PRKAA2: variants seen among roughly 807,000 people sequenced by gnomAD.
PRKAA2 encodes the protein 5'-AMP-activated protein kinase catalytic subunit alpha-2.
Under a neutral mutation model 56.3 loss-of-function variants are expected in PRKAA2, and 40 were observed. The ratio of observed to expected loss-of-function variants is 0.71; its 90% CI spans 0.55 to 0.92. The LOEUF is 0.92. PRKAA2 is among the 40% of genes least tolerant of loss of function. The pLI is 0.00. For synonymous variants in PRKAA2, 214 were observed against 234.2 expected, an observed-to-expected ratio of 0.91 and a Z score of 0.79; for missense variants, 542 against 686.9, an observed-to-expected ratio of 0.79 and a Z score of 2.36.
intron 1 of PRKAA2, among the ~76,000 whole-genome samples, chr1:56,648,745 A>T (rs1422325618): frequency 6.6e-6 from 1 of 152,168 alleles, no homozygotes; most frequent in East Asian, 1.9e-4. Flanking sequence ...TATTATAGCC[A>T]TTCTAGTGGG....
At position 56,645,320 on chromosome 1, in the gene PRKAA2, T is replaced by C. The variant is rs1301448067; in HGVS notation, c.-68T>C. The C allele has an allele frequency of 8.1e-7, 1 of 1,234,916 alleles. No individual in the cohort carries two copies. Among genetic ancestry groups the C allele is most frequent in the Non-Finnish European group, 1.1e-6 (1 of 931,120 alleles). 76.5% of individuals were successfully genotyped at this position (1,234,916 alleles called of 1,614,324 possible). On this transcript the variant is annotated 5_prime_UTR_variant, in exon 1 of 9. Transcript: ENST00000371244. Reference sequence around the variant, plus strand: ...CTCGCCCGCAGGGCCCGCTGCACTGTGGGTAGGCGGCGGCGGCGGCGGCTA... The same window carrying C: ...CTCGCCCGCAGGGCCCGCTGCACTGCGGGTAGGCGGCGGCGGCGGCGGCTA...
intron 1 of PRKAA2, among the ~76,000 whole-genome samples, chr1:56,669,266 C>G (rs1644058096): frequency 1.3e-5 from 2 of 152,028 alleles, no homozygotes; most frequent in African/African-American, 4.8e-5. Context: ...CCAGACCAGC[C>G]TGGCCAACAT....
In PRKAA2 at chr1:56,653,193, A is replaced by G. The variant is rs1026615106; in HGVS notation, c.94+7712A>G. ...CAAATACTAGATTAGTGATTGAATT[A>G]AAATCAGTTGAATTATTCTCACAAT... On this transcript the variant is annotated intron_variant, in intron 1 of 8. Transcript: ENST00000371244. 2.6e-5 allele frequency among the ~76,000 whole-genome samples: 4 copies of G among 151,494 alleles called. No individual in the cohort carries two copies. The South Asian group carries it at 8.3e-4, about 31-fold the overall frequency.
intron 2 of PRKAA2, among the ~76,000 whole-genome samples, chr1:56,682,644 A>G (rs1298908854): frequency 1.3e-5 from 2 of 152,124 alleles, no homozygotes; most frequent in African/African-American, 2.4e-5. Flanking sequence ...GGAGAGTTGG[A>G]GAAGTAACAT....
In PRKAA2 at chr1:56,709,007, T is replaced by G. The variant is rs1235197447; in HGVS notation, c.*1294T>G. 6.6e-6 allele frequency: 1 copy of G among 152,178 alleles called. No homozygotes were observed. Among genetic ancestry groups the G allele is most frequent in the African/African-American group, 2.4e-5 (1 of 41,460 alleles). 9.4% of individuals were successfully genotyped at this position (152,178 alleles called of 1,614,324 possible). A position where few individuals can be genotyped will look rare whatever the true frequency, so the allele number is the denominator to read the frequency against. ...AAAACACAAACTATAGCAGGGTAGA[T>G]AATAGTTTATTGATTATATTTTGTT... On this transcript the variant is annotated 3_prime_UTR_variant, in exon 9 of 9. Transcript: ENST00000371244.
In PRKAA2 at chr1:56,692,424, C is replaced by T; in HGVS notation, c.397C>T (p.His133Tyr). 1.9e-6 allele frequency: 3 copies of T among 1,614,040 alleles called. No homozygotes were observed. Among genetic ancestry groups the T allele is most frequent in the Non-Finnish European group, 2.5e-6 (3 of 1,179,938 alleles). Residue 133 changes from histidine (H) to tyrosine (Y), a missense_variant, in exon 4 of 9, where the codon CAT becomes TAT. By Grantham distance (83) the His-to-Tyr change is moderately conservative (BLOSUM62 2). Coordinates refer to ENST00000371244, the MANE Select transcript of PRKAA2 (RefSeq NM_006252.4). The stretch of plus-strand genomic sequence containing the variant: ...GTCTGCTGTGGATTACTGTCATAGG[C>T]ATATGGTTGTTCATCGAGACCTGAA... ...ILSAVDYCHR[H>Y]MVVHRDLKPE...
intron 2 of PRKAA2, among the ~76,000 whole-genome samples, chr1:56,683,453 A>G (rs1239161082): frequency 1.3e-5 from 2 of 152,180 alleles, no homozygotes; most frequent in African/African-American, 4.8e-5. Context: ...TGTTTGGTGC[A>G]CAGAGTATGT....
At chr1:56,647,267 G>A (rs930900209) in intron 1 of PRKAA2, among the ~76,000 whole-genome samples, 2 of 152,168 alleles carry the variant, frequency 1.3e-5, no homozygotes, top group Admixed American at 6.5e-5. Flanking sequence ...AAGGACTATT[G>A]TGTTACAACA....
In PRKAA2 at chr1:56,707,938, A is replaced by G. The variant is rs562206015; in HGVS notation, c.*225A>G. 9.3e-5 allele frequency: 52 copies of G among 558,142 alleles called. No homozygotes were observed. The Middle Eastern group carries it at 1.9e-3, about 21-fold the overall frequency. 34.6% of individuals were successfully genotyped at this position (558,142 alleles called of 1,614,324 possible). ...TGCCTATGATAAATTCACATAGGCA[A>G]TATCTTTAATAGGTTAATATCAATG... On this transcript the variant is annotated 3_prime_UTR_variant, in exon 9 of 9. Transcript: ENST00000371244.
chr1:56,691,321 C>T, intron 2 of PRKAA2, 73 bp from the exon 3 acceptor site: 1 of 935,706 alleles, frequency 1.1e-6, no homozygotes, highest in East Asian at 2.6e-5. Context: ...AAAATTGTAG[C>T]AAGAGTAGAT....
intron 2 of PRKAA2, among the ~76,000 whole-genome samples, chr1:56,677,894 C>G (rs1644124946): frequency 6.6e-6 from 1 of 152,092 alleles, no homozygotes; most frequent in African/African-American, 2.4e-5. Context: ...AAGCTCAAAA[C>G]CATCAGCCTG....
intron 1 of PRKAA2, among the ~76,000 whole-genome samples, chr1:56,662,562 C>T (rs1352711100): frequency 6.6e-6 from 1 of 152,120 alleles, no homozygotes; most frequent in Non-Finnish European, 1.5e-5. Flanking sequence ...GGATTGATTG[C>T]AGGCATGAGC....
At chr1:56,675,023 A>G (rs1644103440) in intron 2 of PRKAA2, among the ~76,000 whole-genome samples, 1 of 152,128 alleles carries the variant, frequency 6.6e-6, no homozygotes, top group South Asian at 2.1e-4. Flanking sequence ...TAAAGCTTTT[A>G]GGAAGGCAAA....
At chr1:56,662,962 T>A (rs930636826) in intron 1 of PRKAA2, among the ~76,000 whole-genome samples, 1 of 152,180 alleles carries the variant, frequency 6.6e-6, no homozygotes, top group Non-Finnish European at 1.5e-5. Context: ...TGGCTAACTT[T>A]CCCAAAACAC....
Position 56,708,651 on chromosome 1 carries a change from G to A in PRKAA2, c.*938G>A, listed in dbSNP as rs1190384416. On this transcript the variant is annotated 3_prime_UTR_variant, in exon 9 of 9. Coordinates refer to ENST00000371244, the MANE Select transcript of PRKAA2 (RefSeq NM_006252.4). ...CTGTGTTAGGTGTTAGGGTCCTGGT[G>A]CAGCTCATAATGCTAATTCTTCATT... The A allele has an allele frequency of 6.6e-6, 1 of 152,160 alleles. No individual in the cohort carries two copies. The highest frequency in any genetic ancestry group is 6.5e-5 in the Admixed American group (1 of 15,276). The allele number at this position is 152,160 out of a possible 1,614,324, so 9.4% of individuals were successfully genotyped here.
Position 56,684,484 on chromosome 1 carries a change from A to G in PRKAA2, c.237-6910A>G, listed in dbSNP as rs183713965. On this transcript the variant is annotated intron_variant, in intron 2 of 8. Coordinates refer to ENST00000371244, the MANE Select transcript of PRKAA2 (RefSeq NM_006252.4). ...AAGAAGTCCAAGGACTGGGCTCTAG[A>G]ACACTATGATGCTAACATGTCTGAA... is the stretch of plus-strand genomic sequence containing the variant. Among the ~76,000 whole-genome samples the G allele has an allele frequency of 3.9e-5, 6 of 152,208 alleles. No homozygotes were observed. The East Asian group carries it at 1.2e-3, about 29-fold the overall frequency.
intron 1 of PRKAA2, among the ~76,000 whole-genome samples, chr1:56,660,125 C>T (rs1039467154): frequency 7.9e-5 from 12 of 152,080 alleles, no homozygotes; most frequent in African/African-American, 2.9e-4. Context: ...TCTTCTAACA[C>T]ACCAAGCACA....
intron 6 of PRKAA2, 137 bp downstream of exon 6, chr1:56,696,296 T>G (rs904169325): frequency 1.2e-5 from 9 of 720,198 alleles, no homozygotes; most frequent in Non-Finnish European, 2.0e-5. Context: ...ATTGAACTTG[T>G]CCTTGTTTCT....
chr1:56,686,855 G>T (rs946118745), intron 2 of PRKAA2, among the ~76,000 whole-genome samples: 4 of 150,024 alleles, frequency 2.7e-5, no homozygotes, highest in African/African-American at 9.8e-5. Flanking sequence ...GCAAATAATA[G>T]CAACATTATA....
Sources: gnomAD v4.1 joint callset for allele counts (sites outside exome capture counted in the v4.1 genomes callset) on GRCh38, gnomAD v4.1.1 for gene constraint, MANE v1.5 for transcripts, NCBI Gene and HGNC (gene_info 2026-07-23, HGNC 2026-07-21) for gene names.